The following FAM168A variants were observed in gnomAD, a reference collection of about 807,000 sequenced individuals.
The protein encoded by FAM168A is protein FAM168A.
In FAM168A, 3 loss-of-function variants were observed where a neutral mutation model predicts 28.5. That is an observed-to-expected ratio of 0.11 (90% CI 0.05 to 0.27). FAM168A has a LOEUF of 0.27. Ranked by LOEUF, FAM168A falls within the 10% of genes least tolerant of loss-of-function variation. FAM168A has a pLI of 1.00. For missense variants in FAM168A, 222 were observed against 311.5 expected (o/e 0.71, Z 2.16); for synonymous variants, 122 against 124.2 (o/e 0.98, Z 0.12).
At chr11:73,415,592 G>A (rs1004303629) in intron 4 of FAM168A, among the ~76,000 whole-genome samples, 2 of 152,192 alleles carry the variant, frequency 1.3e-5, no homozygotes, top group Non-Finnish European at 1.5e-5. Context: ...ACTTTCATGA[G>A]GAAATCATTT....
chr11:73,473,873 G>T (rs1867850409), intron 1 of FAM168A, among the ~76,000 whole-genome samples: 1 of 151,610 alleles, frequency 6.6e-6, no homozygotes, highest in East Asian at 1.9e-4. Context: ...GAGTGCAGTG[G>T]CGCAATCTCG....
At position 73,401,584 on chromosome 11, in the gene FAM168A, C is replaced by T. The variant is rs1866412287; in HGVS notation, c.*5179G>A. On this transcript the variant is annotated 3_prime_UTR_variant, in exon 8 of 8. Transcript: ENST00000356467. ...TCCTATGGGCCGGTACTTTGCAAAG[C>T]TGTTACATCTGTTCTCCTTAGGAAG... 1 of 152,256 alleles carries T rather than the reference C, an allele frequency of 6.6e-6. No homozygotes were observed. 9.4% of individuals were successfully genotyped at this position (152,256 alleles called of 1,614,324 possible). A position where few individuals can be genotyped will look rare whatever the true frequency, so the allele number is the denominator to read the frequency against.
intron 1 of FAM168A, among the ~76,000 whole-genome samples, chr11:73,570,734 A>G (rs1944076185): frequency 7.4e-6 from 1 of 135,962 alleles, no homozygotes; most frequent in Admixed American, 7.0e-5. Flanking sequence ...ATACTGTCTC[A>G]AAAAAAAAAA....
intron 2 of FAM168A, among the ~76,000 whole-genome samples, chr11:73,438,413 AG>A (rs1867131712): frequency 6.6e-6 from 1 of 152,108 alleles, no homozygotes; most frequent in Non-Finnish European, 1.5e-5. Context: ...CAAGGTGCGG[AG>A]GGGGCAGGAA....
intron 4 of FAM168A, among the ~76,000 whole-genome samples, chr11:73,413,117 G>T (rs181890209): frequency 4.4e-4 from 67 of 152,226 alleles, no homozygotes; most frequent in African/African-American, 1.5e-3. Context: ...ACTACCACAT[G>T]GTCACAAATC....
chr11:73,484,632 C>CTATCTA (rs1868023600), intron 1 of FAM168A, among the ~76,000 whole-genome samples: 1 of 140,846 alleles, frequency 7.1e-6, no homozygotes, highest in Non-Finnish European at 1.5e-5. Context: ...ATATAGATAT[C>CTATCTA]TATATCGATA....
intron 1 of FAM168A, among the ~76,000 whole-genome samples, chr11:73,483,524 A>C (rs1237393245): frequency 6.6e-6 from 1 of 152,242 alleles, no homozygotes; most frequent in Non-Finnish European, 1.5e-5. Flanking sequence ...ATAATATTTC[A>C]TGGGAAGATG....
At chr11:73,586,185 A>G (rs1037999636) in intron 1 of FAM168A, among the ~76,000 whole-genome samples, 8 of 152,242 alleles carry the variant, frequency 5.3e-5, no homozygotes, top group African/African-American at 1.9e-4. Flanking sequence ...TTTTGGAGGC[A>G]GAAAAGTCTG....
intron 1 of FAM168A, among the ~76,000 whole-genome samples, chr11:73,593,899 A>G (rs1180776371): frequency 2.0e-5 from 3 of 152,164 alleles, no homozygotes; most frequent in Non-Finnish European, 4.4e-5. Context: ...CATAGCATTC[A>G]TTTTGCCTCA....
At chr11:73,466,740 G>A (rs909424121) in intron 2 of FAM168A, among the ~76,000 whole-genome samples, 4 of 152,014 alleles carry the variant, frequency 2.6e-5, no homozygotes, top group African/African-American at 9.7e-5. Flanking sequence ...GAGATTTTAA[G>A]AAAGAAAAAG....
At chr11:73,491,914 G>A (rs539800080) in intron 1 of FAM168A, among the ~76,000 whole-genome samples, 1 of 152,262 alleles carries the variant, frequency 6.6e-6, no homozygotes, top group East Asian at 1.9e-4. Flanking sequence ...GGAATACAAA[G>A]GCCAAGTATG....
intron 1 of FAM168A, among the ~76,000 whole-genome samples, chr11:73,569,857 T>TAAATAAATAAACAAAC (rs1210704680): frequency 2.2e-5 from 3 of 135,158 alleles, no homozygotes; most frequent in Non-Finnish European, 4.5e-5. Context: ...AATAAATAAA[T>TAAATAAATAAACAAAC]AAACAAAATA....
At chr11:73,580,565 C>T (rs1212186455) in intron 1 of FAM168A, 1 of 542,218 alleles carries the variant, frequency 1.8e-6, no homozygotes, top group Non-Finnish European at 3.5e-6. Flanking sequence ...GGTGACTGTA[C>T]AGTTTGAAAT....
rs772530179 is a variant in FAM168A, at chr11:73,529,796, C to CTTTTTTTTTTTTTTT, written c.-18-61319_-18-61305dup. 4.4e-4 allele frequency among the ~76,000 whole-genome samples: 56 copies of CTTTTTTTTTTTTTTT among 127,506 alleles called. 3 individuals carry two copies. Among genetic ancestry groups the CTTTTTTTTTTTTTTT allele is most frequent in the African/African-American group, 1.4e-3 (41 of 29,678 alleles). The allele number at this position is 127,506 out of a possible 152,430, so 83.6% of individuals were successfully genotyped here. On this transcript the variant is annotated intron_variant, in intron 1 of 7. Coordinates refer to ENST00000356467, the MANE Select transcript of FAM168A (RefSeq NM_015159.3). ...TCCTTCATTCAAACAACTTTTTCTT[C>CTTTTTTTTTTTTTTT]TTTTTTTTTTTTTTTTGGAGACGCA... is the stretch of plus-strand genomic sequence containing the variant.
At chr11:73,455,355 G>A (rs1244790572) in intron 2 of FAM168A, among the ~76,000 whole-genome samples, 1 of 152,242 alleles carries the variant, frequency 6.6e-6, no homozygotes, top group African/African-American at 2.4e-5. Flanking sequence ...GTAGACAAGG[G>A]TGGACTGAGT....
At chr11:73,519,964 AT>A (rs1565281168) in intron 1 of FAM168A, among the ~76,000 whole-genome samples, 1 of 151,842 alleles carries the variant, frequency 6.6e-6, no homozygotes, top group African/African-American at 2.4e-5. Flanking sequence ...CAGTACATAG[AT>A]TTTTGAAGCA....
At chr11:73,528,850 C>T (rs989446002) in intron 1 of FAM168A, among the ~76,000 whole-genome samples, 1 of 151,960 alleles carries the variant, frequency 6.6e-6, no homozygotes, top group Non-Finnish European at 1.5e-5. Context: ...ACAACATCAG[C>T]CTCATAAATT....
At chr11:73,493,574 C>T (rs73544767) in intron 1 of FAM168A, among the ~76,000 whole-genome samples, 12,400 of 152,152 alleles carry the variant, frequency 0.081, 641 homozygotes, top group Non-Finnish European at 0.11. Context: ...TGCCACCATG[C>T]TAGGCTAATT....
intron 3 of FAM168A, among the ~76,000 whole-genome samples, chr11:73,426,446 G>A (rs996842872): frequency 2.6e-5 from 4 of 152,180 alleles, no homozygotes; most frequent in Non-Finnish European, 5.9e-5. Context: ...AGCAACTTCT[G>A]GGTCTCCTTA....
Sources: gnomAD v4.1 joint callset for allele counts (sites outside exome capture counted in the v4.1 genomes callset) on GRCh38, gnomAD v4.1.1 for gene constraint, MANE v1.5 for transcripts, NCBI Gene and HGNC (gene_info 2026-07-23, HGNC 2026-07-21) for gene names.